The following SUPT3H variants were observed in gnomAD, a reference collection of about 807,000 sequenced individuals.
The protein encoded by SUPT3H is transcription initiation protein SPT3 homolog.
SUPT3H carries 44 observed loss-of-function variants against 44.3 expected under a neutral mutation model. The ratio of observed to expected loss-of-function variants is 0.99; its 90% CI spans 0.78 to 1.28. SUPT3H has a LOEUF of 1.28. SUPT3H is among the 50% of genes most tolerant of loss of function. The pLI, the probability that SUPT3H is intolerant of heterozygous loss-of-function variation, is 0.00. For synonymous variants in SUPT3H, 124 were observed against 125.6 expected, an observed-to-expected ratio of 0.99 and a Z score of 0.09; for missense variants, 380 against 387.1, an observed-to-expected ratio of 0.98 and a Z score of 0.15.
At chr6:44,909,126 TGTGTGTGTGTGTGTGC>T (rs1324475091) in intron 10 of SUPT3H, among the ~76,000 whole-genome samples, 58 of 97,582 alleles carry the variant, frequency 5.9e-4, no homozygotes, top group African/African-American at 1.9e-3. Context: ...ACCTAAGAGG[TGTGTGTGTGTGTGTGC>T]GTGTGTGTGT....
chr6:45,282,462 G>A (rs1252261193), intron 2 of SUPT3H, among the ~76,000 whole-genome samples: 3 of 152,130 alleles, frequency 2.0e-5, no homozygotes, highest in Admixed American at 2.0e-4. Flanking sequence ...TAGCCGATTC[G>A]ATCAACTGGA....
At chr6:45,333,276 A>G (rs527414755) in intron 2 of SUPT3H, among the ~76,000 whole-genome samples, 1 of 151,724 alleles carries the variant, frequency 6.6e-6, no homozygotes, top group Non-Finnish European at 1.5e-5. Flanking sequence ...ATTAAAAGGG[A>G]GTTTCCTTAC....
At chr6:45,108,575 A>G (rs1799616267) in intron 2 of SUPT3H, among the ~76,000 whole-genome samples, 1 of 152,156 alleles carries the variant, frequency 6.6e-6, no homozygotes, top group South Asian at 2.1e-4. Flanking sequence ...TTAGAAAATG[A>G]AAAAAGAAAA....
chr6:44,849,221 T>TA (rs369676118), intron 10 of SUPT3H, among the ~76,000 whole-genome samples: 1 of 3,386 alleles, frequency 3.0e-4, no homozygotes, highest in Non-Finnish European at 1.8e-3. Context: ...AAATGAATAC[T>TA]TTTTTTTTTT....
At chr6:45,346,563 A>AT (rs1554355142) in intron 2 of SUPT3H, among the ~76,000 whole-genome samples, 2 of 112,544 alleles carry the variant, frequency 1.8e-5, no homozygotes, top group African/African-American at 3.5e-5. Context: ...TTCAATAAAC[A>AT]TTTCTTTTTT....
intron 2 of SUPT3H, among the ~76,000 whole-genome samples, chr6:45,221,603 G>A (rs1766068465): frequency 6.6e-6 from 1 of 152,076 alleles, no homozygotes; most frequent in Non-Finnish European, 1.5e-5. Context: ...TGGAGACACA[G>A]TTTATGTTCA....
In SUPT3H at chr6:44,948,431, T is replaced by C. The variant is rs185298230; in HGVS notation, c.801+4879A>G. 2.0e-5 allele frequency among the ~76,000 whole-genome samples: 3 copies of C among 151,968 alleles called. No individual in the cohort carries two copies. In the South Asian group the frequency reaches 6.2e-4, roughly 32 times the overall value. ...AAAGAGCTTCTGCACAGCAAAAGAATCTACCATCAGAGTGAACAGGCAACC... is the reference window on the plus strand; with the variant it reads ...AAAGAGCTTCTGCACAGCAAAAGAACCTACCATCAGAGTGAACAGGCAACC... On this transcript the variant is annotated intron_variant, in intron 9 of 10. Transcript: ENST00000371459.
intron 2 of SUPT3H, among the ~76,000 whole-genome samples, chr6:45,242,710 A>G (rs1211179181): frequency 6.6e-6 from 1 of 152,198 alleles, no homozygotes; most frequent in Non-Finnish European, 1.5e-5. Context: ...GAAAAACAAA[A>G]TTCACCATTC....
At position 45,176,790 on chromosome 6, in the gene SUPT3H, A is replaced by G. The variant is rs551294855; in HGVS notation, c.102-70784T>C. ...CCCCTGACCCCCGAGCAGCCTAACT[A>G]GGAGGCACCCCCAGCAGGGGCAGAC... is the stretch of plus-strand genomic sequence containing the variant. On this transcript the variant is annotated intron_variant, in intron 2 of 10. Coordinates refer to ENST00000371459, the MANE Select transcript of SUPT3H (RefSeq NM_003599.4). Among the ~76,000 whole-genome samples, 6 of 152,294 alleles carry G rather than the reference A, an allele frequency of 3.9e-5. 1 individual carries two copies. The Middle Eastern group carries it at 0.01, about 259-fold the overall frequency.
At chr6:44,971,005 G>A (rs1467376987) in intron 6 of SUPT3H, among the ~76,000 whole-genome samples, 1 of 152,116 alleles carries the variant, frequency 6.6e-6, no homozygotes, top group African/African-American at 2.4e-5. Context: ...GCCTGTCAGT[G>A]CAGCATGGCT....
intron 3 of SUPT3H, among the ~76,000 whole-genome samples, chr6:45,032,112 T>C (rs1193639509): frequency 6.6e-6 from 1 of 152,192 alleles, no homozygotes; most frequent in African/African-American, 2.4e-5. Context: ...TGAACAGAGA[T>C]AATTTGTATA....
intron 7 of SUPT3H, among the ~76,000 whole-genome samples, chr6:44,956,447 G>A (rs1158932359): frequency 8.1e-6 from 1 of 123,924 alleles, no homozygotes; most frequent in Non-Finnish European, 1.6e-5. Context: ...TGGCGCCACT[G>A]CACAACAAGA....
chr6:45,252,207 A>C (rs748980993), intron 2 of SUPT3H, among the ~76,000 whole-genome samples: 4 of 152,204 alleles, frequency 2.6e-5, no homozygotes, highest in Middle Eastern at 3.2e-3. Context: ...TCATTTGTAG[A>C]AAGAGAACTG....
intron 10 of SUPT3H, among the ~76,000 whole-genome samples, chr6:44,858,449 C>T (rs1364600390): frequency 2.0e-5 from 3 of 152,144 alleles, no homozygotes; most frequent in African/African-American, 7.2e-5. Flanking sequence ...CACAGAGAAC[C>T]TTCTGTATTT....
chr6:44,840,163 T>C (rs911444804), intron 10 of SUPT3H, among the ~76,000 whole-genome samples: 3 of 152,260 alleles, frequency 2.0e-5, no homozygotes, highest in African/African-American at 7.2e-5. Context: ...AATTCTACCT[T>C]TATGTATTCT....
chr6:45,286,889 A>G (rs1282609133), intron 2 of SUPT3H, among the ~76,000 whole-genome samples: 3 of 152,196 alleles, frequency 2.0e-5, no homozygotes, highest in Admixed American at 6.5e-5. Flanking sequence ...TGGCACATAC[A>G]CACCATGGAA....
At chr6:44,987,456 T>C (rs760391532) in intron 6 of SUPT3H, among the ~76,000 whole-genome samples, 1 of 152,068 alleles carries the variant, frequency 6.6e-6, no homozygotes. Flanking sequence ...GCTGGTTCAG[T>C]TCAGGGCCAC....
chr6:45,284,430 G>A (rs1778814186), intron 2 of SUPT3H, among the ~76,000 whole-genome samples: 1 of 152,126 alleles, frequency 6.6e-6, no homozygotes, highest in Non-Finnish European at 1.5e-5. Context: ...TGATCCCACA[G>A]AAATACAAAC....
intron 2 of SUPT3H, among the ~76,000 whole-genome samples, chr6:45,196,932 C>A (rs1213347181): frequency 1.3e-5 from 2 of 151,386 alleles, no homozygotes; most frequent in Non-Finnish European, 1.5e-5. Context: ...AAAGCCACAA[C>A]ATGGATTTAC....
Sources: allele counts gnomAD v4.1 joint callset (sites outside exome capture counted in the v4.1 genomes callset), GRCh38; gene constraint gnomAD v4.1.1; transcripts MANE v1.5; gene names NCBI Gene and HGNC (gene_info 2026-07-23, HGNC 2026-07-21).